PARD3B: variants seen among roughly 807,000 people sequenced by gnomAD.
PARD3B encodes partitioning defective 3 homolog B.
In PARD3B, 103 loss-of-function variants were observed where a neutral mutation model predicts 130.2. The observed-to-expected ratio is 0.79, with a 90% CI of 0.67 to 0.93. PARD3B has a LOEUF of 0.93. Ranked by LOEUF, PARD3B falls within the 40% of genes least tolerant of loss-of-function variation. The pLI, the probability that PARD3B is intolerant of heterozygous loss-of-function variation, is 0.00. For synonymous variants in PARD3B, 583 were observed against 553.2 expected (o/e 1.05, Z -0.76); for missense variants, 1,609 against 1,499.2 (o/e 1.07, Z -1.21).
At chr2:205,098,038 TAC>T (rs752526962) in intron 4 of PARD3B, among the ~76,000 whole-genome samples, 11 of 152,308 alleles carry the variant, frequency 7.2e-5, no homozygotes, top group Non-Finnish European at 1.0e-4. Context: ...GCTTATCAAA[TAC>T]AGTTTGTTTT....
chr2:205,428,369 G>A (rs372021217), intron 19 of PARD3B, among the ~76,000 whole-genome samples: 1 of 152,078 alleles, frequency 6.6e-6, no homozygotes, highest in East Asian at 1.9e-4. Flanking sequence ...AACAGAACCA[G>A]ACTCTGTCAC....
chr2:205,412,606 C>A (rs2046638557), intron 19 of PARD3B, among the ~76,000 whole-genome samples: 1 of 152,152 alleles, frequency 6.6e-6, no homozygotes, highest in African/African-American at 2.4e-5. Flanking sequence ...ACTCTTTGTC[C>A]TAACACATCT....
chr2:205,087,786 C>A (rs1701831858), intron 4 of PARD3B, among the ~76,000 whole-genome samples: 1 of 151,846 alleles, frequency 6.6e-6, no homozygotes, highest in Non-Finnish European at 1.5e-5. Flanking sequence ...ATTATATCAC[C>A]AATAATATTC....
Position 205,395,164 on chromosome 2 carries a change from C to T in PARD3B, c.2631-5849C>T, listed in dbSNP as rs78776803. ...AGCACTCGACTGCACCTGCAGCTAC[C>T]TCCCTCCCAGCCAACCATTACCCAG... On this transcript the variant is annotated intron_variant, in intron 18 of 22. Coordinates refer to ENST00000406610, the MANE Select transcript of PARD3B (RefSeq NM_001302769.2). Among the ~76,000 whole-genome samples, 584 of 152,256 alleles carry T rather than the reference C, an allele frequency of 3.8e-3. 4 individuals are homozygous for T. The highest frequency in any genetic ancestry group is 0.013 in the African/African-American group (539 of 41,548).
intron 20 of PARD3B, among the ~76,000 whole-genome samples, chr2:205,477,533 ACAGCTGAAAAG>A (rs1469107642): frequency 1.3e-5 from 2 of 152,186 alleles, no homozygotes; most frequent in Non-Finnish European, 2.9e-5. Context: ...TAAAATGATT[ACAGCTGAAAAG>A]CATGCTGGAG....
intron 1 of PARD3B, among the ~76,000 whole-genome samples, chr2:204,653,127 G>C (rs926188916): frequency 1.3e-5 from 2 of 150,964 alleles, no homozygotes; most frequent in Non-Finnish European, 2.9e-5. Context: ...TGAAGGTGGA[G>C]GTTGGGAGGA....
At chr2:204,793,456 C>G (rs777092224) in intron 2 of PARD3B, among the ~76,000 whole-genome samples, 5 of 152,020 alleles carry the variant, frequency 3.3e-5, no homozygotes, top group Non-Finnish European at 5.9e-5. Flanking sequence ...TGAGGGTATT[C>G]CCAGTCGAAT....
At chr2:205,224,023 C>G (rs1340799524) in intron 15 of PARD3B, among the ~76,000 whole-genome samples, 6 of 150,366 alleles carry the variant, frequency 4.0e-5, no homozygotes, top group Non-Finnish European at 8.9e-5. Flanking sequence ...AAGATCACAC[C>G]ACTGCACTCC....
At chr2:204,816,411 A>G (rs2043148632) in intron 2 of PARD3B, among the ~76,000 whole-genome samples, 1 of 151,786 alleles carries the variant, frequency 6.6e-6, no homozygotes, top group Non-Finnish European at 1.5e-5. Context: ...GAACTTTAAC[A>G]TTTCTTTTAA....
At chr2:205,256,963 C>G (rs988336765) in intron 16 of PARD3B, among the ~76,000 whole-genome samples, 1 of 152,050 alleles carries the variant, frequency 6.6e-6, no homozygotes, top group Non-Finnish European at 1.5e-5. Context: ...GAATATTAAA[C>G]CCCCTTGTCA....
chr2:204,863,036 C>T (rs1193458790), intron 2 of PARD3B, among the ~76,000 whole-genome samples: 1 of 152,144 alleles, frequency 6.6e-6, no homozygotes, highest in Non-Finnish European at 1.5e-5. Context: ...TTCAGAGAAC[C>T]AGTCGGGAAA....
At chr2:205,556,924 T>G (rs922538426) in intron 22 of PARD3B, among the ~76,000 whole-genome samples, 1 of 152,084 alleles carries the variant, frequency 6.6e-6, no homozygotes, top group Non-Finnish European at 1.5e-5. Context: ...TTCTCCCAGG[T>G]CCCATTCTGA....
At chr2:204,556,817 C>T (rs997164782) in intron 1 of PARD3B, among the ~76,000 whole-genome samples, 2 of 152,068 alleles carry the variant, frequency 1.3e-5, no homozygotes, top group Admixed American at 1.3e-4. Flanking sequence ...GAATAAATTA[C>T]CTAACTTTGT....
At chr2:205,209,457 ATT>A (rs1309678575) in intron 15 of PARD3B, among the ~76,000 whole-genome samples, 1 of 152,154 alleles carries the variant, frequency 6.6e-6, no homozygotes, top group African/African-American at 2.4e-5. Flanking sequence ...AAGGATGCTT[ATT>A]CAAAGAATGG....
At chr2:204,915,824 A>G (rs1010754923) in intron 2 of PARD3B, among the ~76,000 whole-genome samples, 15 of 152,216 alleles carry the variant, frequency 9.9e-5, no homozygotes, top group Non-Finnish European at 1.2e-4. Context: ...CATATTAATG[A>G]CATCAGACAA....
intron 2 of PARD3B, among the ~76,000 whole-genome samples, chr2:204,800,878 T>TA (rs1359026013): frequency 6.6e-6 from 1 of 152,212 alleles, no homozygotes; most frequent in African/African-American, 2.4e-5. Context: ...CATCTTGAGT[T>TA]AATTTTTGTA....
At chr2:205,552,184 C>T (rs560864050) in intron 21 of PARD3B, among the ~76,000 whole-genome samples, 1 of 152,062 alleles carries the variant, frequency 6.6e-6, no homozygotes, top group East Asian at 1.9e-4. Context: ...GAAAAGACTC[C>T]AAGAGAGGTA....
chr2:205,176,579 TA>T lies in PARD3B; in HGVS notation c.1924+4del. On this transcript the variant is annotated splice_donor_region_variant and intron_variant, in intron 13 of 22. Coordinates refer to ENST00000406610, the MANE Select transcript of PARD3B (RefSeq NM_001302769.2). The surrounding 1 kb of genome is among the most constrained non-coding windows in gnomAD (Gnocchi z 5.3). Reference sequence around the variant, plus strand: ...GCAGTCCACAAGACAAACAGAAAGGTAAGAGTCTATTCATTTTATCCACTGC... The same window carrying T: ...GCAGTCCACAAGACAAACAGAAAGGTAGAGTCTATTCATTTTATCCACTGC... 6.3e-7 allele frequency: 1 copy of T among 1,599,192 alleles called. No homozygotes were observed. Among genetic ancestry groups the T allele is most frequent in the Middle Eastern group, 1.7e-4 (1 of 5,998 alleles).
chr2:205,506,115 A>G (rs1166915815), intron 21 of PARD3B, among the ~76,000 whole-genome samples: 1 of 152,172 alleles, frequency 6.6e-6, no homozygotes, highest in Non-Finnish European at 1.5e-5. Flanking sequence ...AAGGTGGATC[A>G]TGAGGTCAAG....
Sources: gnomAD v4.1 joint callset for allele counts (sites outside exome capture counted in the v4.1 genomes callset) on GRCh38, gnomAD v4.1.1 for gene constraint, Gnocchi (gnomAD v3.1) non-coding constraint, MANE v1.5 for transcripts, NCBI Gene and HGNC (gene_info 2026-07-23, HGNC 2026-07-21) for gene names.